Variants in RNLS observed in about 807,000 individuals in gnomAD.
RNLS encodes the protein renalase.
A neutral mutation model predicts 39.8 loss-of-function variants in RNLS; 39 were observed. The ratio of observed to expected loss-of-function variants is 0.98; its 90% CI spans 0.76 to 1.28. The LOEUF is 1.28. Ranked by LOEUF, RNLS falls within the 50% of genes most tolerant of loss-of-function variation. RNLS has a pLI of 0.00. For synonymous variants in RNLS, 147 were observed against 150.7 expected, an observed-to-expected ratio of 0.98 and a Z score of 0.18; for missense variants, 410 against 413.3, an observed-to-expected ratio of 0.99 and a Z score of 0.07.
intron 6 of RNLS, among the ~76,000 whole-genome samples, chr10:88,314,060 A>G (rs1343639976): frequency 2.0e-5 from 3 of 152,196 alleles, no homozygotes; most frequent in Non-Finnish European, 4.4e-5. Context: ...TGGTAGCAAA[A>G]TACACTTACA....
Position 88,583,295 on chromosome 10 carries a change from G to A in RNLS, c.-105C>T. ...CGGCGCTAGCGCTCTTTGGTTCCGT[G>A]CTCCCTGGGCCGACCTGGGCCCTGA... is the stretch of plus-strand genomic sequence containing the variant. On this transcript the variant is annotated 5_prime_UTR_variant, in exon 1 of 7. Transcript: ENST00000331772. The A allele has an allele frequency of 6.6e-7, 1 of 1,514,830 alleles. No homozygotes were observed. The highest frequency in any genetic ancestry group is 8.8e-7 in the Non-Finnish European group (1 of 1,139,204). 93.8% of individuals were successfully genotyped at this position (1,514,830 alleles called of 1,614,324 possible).
At chr10:88,423,072 A>T (rs1325265282) in intron 4 of RNLS, among the ~76,000 whole-genome samples, 1 of 152,174 alleles carries the variant, frequency 6.6e-6, no homozygotes. Context: ...TAAAGAAAAC[A>T]CTTTTCGAAA....
At chr10:88,173,995 T>A in the RNLS span, among the ~76,000 whole-genome samples, 1 of 141,642 alleles carries the variant, frequency 7.1e-6, no homozygotes, top group Non-Finnish European at 1.5e-5. Context: ...TCCTTGGTAT[T>A]TTTTTTTTTT....
intron 5 of RNLS, among the ~76,000 whole-genome samples, chr10:88,331,685 G>A (rs532971488): frequency 7.2e-5 from 11 of 152,292 alleles, no homozygotes; most frequent in African/African-American, 2.2e-4. Flanking sequence ...TTTTAGGGGT[G>A]GTGGTCTGCT....
chr10:88,389,518 A>G (rs1767315039), intron 4 of RNLS, among the ~76,000 whole-genome samples: 1 of 151,892 alleles, frequency 6.6e-6, no homozygotes, highest in African/African-American at 2.4e-5. Flanking sequence ...TGCTGCTTTA[A>G]TTACATTCAT....
intron 5 of RNLS, among the ~76,000 whole-genome samples, chr10:88,323,972 T>C (rs993890956): frequency 2.6e-5 from 4 of 151,490 alleles, no homozygotes; most frequent in East Asian, 1.9e-4. Flanking sequence ...CCAACAAACA[T>C]ATGGATAAAT....
chr10:88,372,389 TG>T (rs1850634743), intron 4 of RNLS, among the ~76,000 whole-genome samples: 1 of 152,128 alleles, frequency 6.6e-6, no homozygotes, highest in South Asian at 2.1e-4. Flanking sequence ...CAGCAGCCAT[TG>T]TAAAAGACTA....
intron 4 of RNLS, among the ~76,000 whole-genome samples, chr10:88,444,194 G>C (rs1414399438): frequency 6.6e-6 from 1 of 152,208 alleles, no homozygotes; most frequent in Non-Finnish European, 1.5e-5. Context: ...CTCTGCTGCT[G>C]ATACCTAGGC....
the RNLS span, among the ~76,000 whole-genome samples, chr10:88,172,531 A>AT: frequency 1.2e-3 from 183 of 151,844 alleles, 1 homozygote; most frequent in Middle Eastern, 0.024. Context: ...GATTATTTGT[A>AT]TTTTTTTACT....
At chr10:88,392,222 G>C (rs1467984295) in intron 4 of RNLS, among the ~76,000 whole-genome samples, 2 of 152,200 alleles carry the variant, frequency 1.3e-5, no homozygotes, top group Non-Finnish European at 2.9e-5. Flanking sequence ...CTTACCAAAA[G>C]CTTAAAAGGA....
At chr10:88,525,838 A>G (rs1225569158) in intron 4 of RNLS, among the ~76,000 whole-genome samples, 1 of 152,102 alleles carries the variant, frequency 6.6e-6, no homozygotes, top group Non-Finnish European at 1.5e-5. Flanking sequence ...TATAACATTA[A>G]ATCACAGTTT....
chr10:88,517,149 C>G (rs1388156637), intron 4 of RNLS, among the ~76,000 whole-genome samples: 1 of 151,958 alleles, frequency 6.6e-6, no homozygotes, highest in East Asian at 1.9e-4. Context: ...AAGCCTTACT[C>G]CTTTCATAAT....
intron 6 of RNLS, among the ~76,000 whole-genome samples, chr10:88,290,590 T>C (rs1843601366): frequency 6.6e-6 from 1 of 152,224 alleles, no homozygotes; most frequent in Admixed American, 6.5e-5. Context: ...CTTTATTTTA[T>C]ACTTAATAGA....
At chr10:88,255,141 A>G in the RNLS span, among the ~76,000 whole-genome samples, 1 of 152,232 alleles carries the variant, frequency 6.6e-6, no homozygotes. Flanking sequence ...AGTTCTCTGC[A>G]TACAAACATG....
At chr10:88,304,316 CCT>C (rs1231122268) in intron 6 of RNLS, among the ~76,000 whole-genome samples, 1 of 152,206 alleles carries the variant, frequency 6.6e-6, no homozygotes, top group Non-Finnish European at 1.5e-5. Context: ...GACCACATTA[CCT>C]CTCTAGCAAG....
At chr10:88,271,866 G>C (rs1200149949), downstream of RNLS, among the ~76,000 whole-genome samples, 1 of 152,208 alleles carries the variant, frequency 6.6e-6, no homozygotes, top group Non-Finnish European at 1.5e-5. Context: ...GGTCCCAGGA[G>C]TTCGTTTCTG....
intron 5 of RNLS, among the ~76,000 whole-genome samples, chr10:88,356,813 G>A (rs1426626256): frequency 9.9e-6 from 1 of 101,422 alleles, no homozygotes; most frequent in East Asian, 2.5e-4. Context: ...AATCTCCTCA[G>A]ATTGCTGACT....
intron 4 of RNLS, among the ~76,000 whole-genome samples, chr10:88,457,831 A>G (rs1055030284): frequency 3.3e-5 from 5 of 152,194 alleles, no homozygotes; most frequent in African/African-American, 1.2e-4. Context: ...AACATTCTGT[A>G]GCAGCTGTGA....
chr10:88,260,385 C>A, the RNLS span, among the ~76,000 whole-genome samples: 10 of 152,198 alleles, frequency 6.6e-5, no homozygotes. Context: ...AGGGCTTTAT[C>A]TATTTGAATT....
Sources: gnomAD v4.1 joint callset for allele counts (sites outside exome capture counted in the v4.1 genomes callset) on GRCh38, gnomAD v4.1.1 for gene constraint, MANE v1.5 for transcripts, NCBI Gene and HGNC (gene_info 2026-07-23, HGNC 2026-07-21) for gene names.